PCDHGA1: variants seen among roughly 807,000 people sequenced by gnomAD.
PCDHGA1 encodes protocadherin gamma subfamily A, 1, also known as protocadherin gamma-A1.
Under a neutral mutation model 58.0 loss-of-function variants are expected in PCDHGA1, and 32 were observed. The observed-to-expected ratio is 0.55, with a 90% CI of 0.42 to 0.74. The LOEUF (loss-of-function observed/expected upper bound fraction) is 0.74, where lower values mean the gene tolerates loss of function less well. PCDHGA1 is among the 30% of genes least tolerant of loss of function. The pLI, the probability that PCDHGA1 is intolerant of heterozygous loss-of-function variation, is 0.00. For missense variants in PCDHGA1, 1,205 were observed against 1,182.3 expected (o/e 1.02, Z -0.28); for synonymous variants, 498 against 501.1 (o/e 0.99, Z 0.08).
intron 1 of PCDHGA1, chr5:141,423,454 G>C (rs1323921797): frequency 1.9e-6 from 3 of 1,614,030 alleles, no homozygotes; most frequent in Non-Finnish European, 2.5e-6. Context: ...ACATTTTGTA[G>C]GCGTGGACGG....
At chr5:141,354,777 A>G (rs1293865726) in intron 1 of PCDHGA1, among the ~76,000 whole-genome samples, 1 of 152,250 alleles carries the variant, frequency 6.6e-6, no homozygotes, top group African/African-American at 2.4e-5. Context: ...AAAAATCGTC[A>G]TATTTTCTCT....
chr5:141,421,222 C>G, intron 1 of PCDHGA1: 2 of 1,576,946 alleles, frequency 1.3e-6, no homozygotes, highest in Non-Finnish European at 1.7e-6. Flanking sequence ...CGGCTTAGAG[C>G]CTGCCATGGC....
chr5:141,365,580 A>G, intron 1 of PCDHGA1: 1 of 1,613,742 alleles, frequency 6.2e-7, no homozygotes, highest in South Asian at 1.1e-5. Flanking sequence ...GAGACTTCAG[A>G]TTATAATATC....
At chr5:141,371,131 T>C (rs746254566) in intron 1 of PCDHGA1, 1 of 1,614,004 alleles carries the variant, frequency 6.2e-7, no homozygotes, top group South Asian at 1.1e-5. Flanking sequence ...ACTCAGGACA[T>C]GTACAGGGTC....
At position 141,381,798 on chromosome 5, in the gene PCDHGA1, C is replaced by CTCTT. The variant is rs372235829; in HGVS notation, c.2421+48714_2421+48717dup. ...ATCAGGAACAAGGCAAGGCAATTCC[C>CTCTT]TCTTTCTTTCTTTCTTTCTTTCTTC... is the stretch of plus-strand genomic sequence containing the variant. On this transcript the variant is annotated intron_variant, in intron 1 of 3. Coordinates refer to ENST00000517417, the MANE Select transcript of PCDHGA1 (RefSeq NM_018912.3). Among the ~76,000 whole-genome samples, 697 of 144,002 alleles carry CTCTT rather than the reference C, an allele frequency of 4.8e-3. 9 individuals carry two copies. The highest frequency in any genetic ancestry group is 9.2e-3 in the South Asian group (42 of 4,556). 94.5% of individuals were successfully genotyped at this position (144,002 alleles called of 152,430 possible).
chr5:141,463,176 C>CA (rs2099054640), intron 1 of PCDHGA1, among the ~76,000 whole-genome samples: 1 of 152,100 alleles, frequency 6.6e-6, no homozygotes, highest in African/African-American at 2.4e-5. Flanking sequence ...TATGTATGCT[C>CA]AGATTATTAT....
chr5:141,431,393 C>T lies in PCDHGA1; in HGVS notation c.2422-63414C>T, dbSNP rs1485575362. 5 of 1,613,884 alleles carry T rather than the reference C, an allele frequency of 3.1e-6. No individual in the cohort carries two copies. Among genetic ancestry groups the T allele is most frequent in the Non-Finnish European group, 4.2e-6 (5 of 1,180,048 alleles). On this transcript the variant is annotated intron_variant, in intron 1 of 3. Coordinates refer to ENST00000517417, the MANE Select transcript of PCDHGA1 (RefSeq NM_018912.3). The surrounding 1 kb of genome is among the most constrained non-coding windows in gnomAD (Gnocchi z 4.8). ...AGAAAAGGCTGCTCACCACCTGGTC[C>T]TTACGGCCTCCGACGGGGGCGACCC...
chr5:141,432,706 C>G lies in PCDHGA1; in HGVS notation c.2422-62101C>G, dbSNP rs761752571. The G allele has an allele frequency of 6.2e-7, 1 of 1,613,988 alleles. No homozygotes were observed. Among genetic ancestry groups the G allele is most frequent in the African/African-American group, 1.3e-5 (1 of 75,072 alleles). Reference sequence around the variant, plus strand: ...GCCTCGTAGTGGCCGTCCAGGACCACGGCCAGCCCCCTCTCTCCGCCACTG... The same window carrying G: ...GCCTCGTAGTGGCCGTCCAGGACCAGGGCCAGCCCCCTCTCTCCGCCACTG... On this transcript the variant is annotated intron_variant, in intron 1 of 3. Transcript: ENST00000517417. The surrounding 1 kb of genome is among the most constrained non-coding windows in gnomAD (Gnocchi z 6.0).
chr5:141,474,210 A>G (rs1054533367), intron 1 of PCDHGA1, among the ~76,000 whole-genome samples: 3 of 152,230 alleles, frequency 2.0e-5, no homozygotes, highest in Non-Finnish European at 4.4e-5. Context: ...ATTTTCAAAA[A>G]CCAGATTGTG....
At chr5:141,443,330 C>A (rs1005631067) in intron 1 of PCDHGA1, among the ~76,000 whole-genome samples, 44 of 139,282 alleles carry the variant, frequency 3.2e-4, no homozygotes, top group African/African-American at 4.5e-4. Flanking sequence ...AAAAAAAAAA[C>A]AAAAATTAAC....
intron 1 of PCDHGA1, chr5:141,409,423 T>G: frequency 6.2e-7 from 1 of 1,614,026 alleles, no homozygotes; most frequent in Non-Finnish European, 8.5e-7. Context: ...TGGTGACAGA[T>G]GGAGCCCTGG....
In PCDHGA1 at chr5:141,477,247, T is replaced by C; in HGVS notation, c.2422-17560T>C. On this transcript the variant is annotated intron_variant, in intron 1 of 3. Transcript: ENST00000517417. This position sits in a 1 kb window ranked among gnomAD's most constrained non-coding sequence, Gnocchi z 4.9. ...CTGTCATCGCTTTGCTCAGTGTGAC[T>C]GACCTGGATGCTGGCGAGAACGGGC... The C allele has an allele frequency of 6.2e-7, 1 of 1,614,208 alleles. No individual in the cohort carries two copies. Among genetic ancestry groups the C allele is most frequent in the Non-Finnish European group, 8.5e-7 (1 of 1,180,040 alleles).
intron 1 of PCDHGA1, chr5:141,410,202 A>C (rs766392835): frequency 1.3e-5 from 21 of 1,614,018 alleles, no homozygotes; most frequent in Non-Finnish European, 1.6e-5. Context: ...TTCGCAGACA[A>C]CTTGCAAGAG....
chr5:141,491,850 T>C lies in PCDHGA1; in HGVS notation c.2422-2957T>C. ...CCCGATTCTCGGGATCATTGGACCG[T>C]TTGCGCGAAACCAGAGTGGCCGATT... On this transcript the variant is annotated intron_variant, in intron 1 of 3. Transcript: ENST00000517417. The surrounding 1 kb of genome is among the most constrained non-coding windows in gnomAD (Gnocchi z 6.9). 6.8e-7 allele frequency: 1 copy of C among 1,460,996 alleles called. No homozygotes were observed. The highest frequency in any genetic ancestry group is 2.5e-5 in the East Asian group (1 of 40,084). The allele number at this position is 1,460,996 out of a possible 1,614,324, so 90.5% of individuals were successfully genotyped here.
At chr5:141,347,933 A>C (rs1758039428) in intron 1 of PCDHGA1, among the ~76,000 whole-genome samples, 1 of 152,198 alleles carries the variant, frequency 6.6e-6, no homozygotes, top group Admixed American at 6.5e-5. Context: ...AATTATTATG[A>C]GCCTTGGAGT....
Position 141,418,952 on chromosome 5 carries a change from G to C in PCDHGA1, c.2422-75855G>C, listed in dbSNP as rs1377467334. On this transcript the variant is annotated intron_variant, in intron 1 of 3. Coordinates refer to ENST00000517417, the MANE Select transcript of PCDHGA1 (RefSeq NM_018912.3). ...TATGGAGGATTCCCCTCCAGGAGTG[G>C]TTGTTGCCCTCTTCAAAACACGGGA... 4.3e-6 allele frequency: 7 copies of C among 1,613,932 alleles called. No individual in the cohort carries two copies. Among genetic ancestry groups the C allele is most frequent in the Non-Finnish European group, 5.9e-6 (7 of 1,179,908 alleles).
chr5:141,345,566 T>C (rs975447371), intron 1 of PCDHGA1: 1 of 1,614,064 alleles, frequency 6.2e-7, no homozygotes, highest in Non-Finnish European at 8.5e-7. Context: ...ACTCCAACAC[T>C]GGCGTCCTAT....
At chr5:141,362,466 G>C (rs753193547) in intron 1 of PCDHGA1, 2 of 1,613,924 alleles carry the variant, frequency 1.2e-6, no homozygotes, top group African/African-American at 1.3e-5. Context: ...TGGTTCCCGC[G>C]CAAGATCTCG....
At chr5:141,353,818 C>T (rs958747733) in intron 1 of PCDHGA1, among the ~76,000 whole-genome samples, 8 of 152,152 alleles carry the variant, frequency 5.3e-5, no homozygotes, top group African/African-American at 1.9e-4. Context: ...CTCAATCATC[C>T]GCAGTTTGTG....
Sources: allele counts gnomAD v4.1 joint callset (sites outside exome capture counted in the v4.1 genomes callset), GRCh38; gene constraint gnomAD v4.1.1; non-coding constraint Gnocchi (gnomAD v3.1); transcripts MANE v1.5; gene names NCBI Gene and HGNC (gene_info 2026-07-23, HGNC 2026-07-21).